The following COL22A1 variants were observed in gnomAD, a reference collection of about 807,000 sequenced individuals.
COL22A1 encodes collagen alpha-1(XXII) chain.
A neutral mutation model predicts 248.9 loss-of-function variants in COL22A1; 221 were observed. That is an observed-to-expected ratio of 0.89 (90% CI 0.80 to 0.99). The LOEUF is 0.99. Among genes scored for constraint, COL22A1 ranks in the 50% least tolerant of loss-of-function variants. The probability of loss-of-function intolerance (pLI) is 0.00; values close to 1 mark genes in which losing one functional copy is unlikely to be tolerated. For missense variants in COL22A1, 2,240 were observed against 2,179.0 expected, an observed-to-expected ratio of 1.03 and a Z score of -0.56; for synonymous variants, 891 against 793.4, an observed-to-expected ratio of 1.12 and a Z score of -2.07.
chr8:138,900,923 G>A (rs940580894), intron 1 of COL22A1, among the ~76,000 whole-genome samples: 1 of 152,208 alleles, frequency 6.6e-6, no homozygotes, highest in African/African-American at 2.4e-5. Flanking sequence ...GCAGGGTCAT[G>A]TGATAGAAGG....
In COL22A1 at chr8:138,802,874, C is replaced by T. The variant is rs151112277; in HGVS notation, c.1555G>A (p.Val519Met). The T allele has an allele frequency of 3.7e-4, 601 of 1,613,520 alleles. 2 individuals carry two copies. In the African/African-American group the frequency reaches 7.2e-3, roughly 19 times the overall value. Residue 519 changes from valine to methionine, a missense_variant and splice_region_variant, in exon 11 of 65, where the codon GTG becomes ATG. Transcript: ENST00000303045. ...TAGAGGAGCAGCCATCTACTCACCA[C>T]ATCACCTTTCTCTCCCTTAGGTCCA... ...APGPKGEKGD[V>M]GIGPFGQGEK... is the part of the protein sequence containing the mutation.
intron 23 of COL22A1, among the ~76,000 whole-genome samples, chr8:138,726,792 C>A (rs1413239543): frequency 1.3e-5 from 2 of 152,170 alleles, no homozygotes; most frequent in African/African-American, 4.8e-5. Flanking sequence ...CTGCACAGGG[C>A]AGATGGAGGC....
At chr8:138,637,163 A>G (rs1479130335) in intron 47 of COL22A1, among the ~76,000 whole-genome samples, 1 of 152,134 alleles carries the variant, frequency 6.6e-6, no homozygotes, top group Non-Finnish European at 1.5e-5. Flanking sequence ...AGCTGTGGGT[A>G]TAGTGTGGGA....
chr8:138,679,544 G>A, intron 40 of COL22A1, 73 bp downstream of exon 40: 3 of 1,267,506 alleles, frequency 2.4e-6, no homozygotes, highest in East Asian at 2.3e-5. Flanking sequence ...CCATTATTTT[G>A]TTGTTATAAA....
At chr8:138,826,859 G>C (rs1282462062) in intron 5 of COL22A1, 78 bp from the exon 6 acceptor site, 5 of 1,542,288 alleles carry the variant, frequency 3.2e-6, no homozygotes, top group Non-Finnish European at 4.4e-6. Context: ...ACACAACCCA[G>C]CAGTGATCAA....
At chr8:138,850,636 C>G (rs565745188) in intron 3 of COL22A1, among the ~76,000 whole-genome samples, 1 of 152,280 alleles carries the variant, frequency 6.6e-6, no homozygotes, top group Admixed American at 6.5e-5. Context: ...CCTCTCCCAG[C>G]CAAGTGTGAG....
At chr8:138,837,691 G>C (rs1361916567) in intron 4 of COL22A1, among the ~76,000 whole-genome samples, 1 of 152,222 alleles carries the variant, frequency 6.6e-6, no homozygotes, top group Non-Finnish European at 1.5e-5. Flanking sequence ...CCAGCAGTGG[G>C]AGGGGCTGGT....
At chr8:138,737,005 T>G (rs1831165912) in intron 23 of COL22A1, among the ~76,000 whole-genome samples, 3 of 152,264 alleles carry the variant, frequency 2.0e-5, no homozygotes, top group Non-Finnish European at 1.5e-5. Flanking sequence ...CAACTCTCAC[T>G]GGGTTCATCT....
intron 64 of COL22A1, 94 bp from the exon 65 acceptor site, chr8:138,589,534 A>C: frequency 1.9e-6 from 2 of 1,061,520 alleles, no homozygotes; most frequent in Non-Finnish European, 2.6e-6. Flanking sequence ...CTATGAACTC[A>C]GGACCTGAAA....
At chr8:138,817,460 T>G (rs1408348543) in intron 7 of COL22A1, among the ~76,000 whole-genome samples, 2 of 152,136 alleles carry the variant, frequency 1.3e-5, no homozygotes, top group African/African-American at 4.8e-5. Context: ...CGGAAAGCCC[T>G]CAGGCAAGAC....
intron 3 of COL22A1, among the ~76,000 whole-genome samples, chr8:138,858,168 C>G (rs1822182431): frequency 6.6e-6 from 1 of 152,150 alleles, no homozygotes; most frequent in Non-Finnish European, 1.5e-5. Context: ...TGTGGCACCT[C>G]CAGCCTTTTC....
chr8:138,614,113 G>A (rs779746690), intron 55 of COL22A1, among the ~76,000 whole-genome samples, 193 bp from the exon 56 acceptor site: 23 of 152,328 alleles, frequency 1.5e-4, no homozygotes, highest in African/African-American at 2.4e-4. Context: ...GTAAATGCAC[G>A]CAGGCCCGCA....
intron 23 of COL22A1, among the ~76,000 whole-genome samples, chr8:138,727,900 G>A (rs1440922060): frequency 6.6e-6 from 1 of 152,132 alleles, no homozygotes; most frequent in Non-Finnish European, 1.5e-5. Context: ...TTGCTGTATC[G>A]TGGGCTGAGC....
At chr8:138,893,954 A>G (rs763544025) in intron 1 of COL22A1, among the ~76,000 whole-genome samples, 4 of 152,176 alleles carry the variant, frequency 2.6e-5, no homozygotes, top group Non-Finnish European at 5.9e-5. Context: ...CTGAGTCTGG[A>G]AAGATGAGTG....
chr8:138,685,828 C>T (rs1587857916), intron 37 of COL22A1, among the ~76,000 whole-genome samples: 1 of 152,140 alleles, frequency 6.6e-6, no homozygotes, highest in East Asian at 1.9e-4. Flanking sequence ...GCTGTTTAGG[C>T]CACCCAGTTC....
chr8:138,729,044 A>T (rs1830525214), intron 23 of COL22A1, among the ~76,000 whole-genome samples: 2 of 152,072 alleles, frequency 1.3e-5, no homozygotes, highest in Admixed American at 1.3e-4. Flanking sequence ...GGGCTCGGCC[A>T]CCTCCATTCA....
At chr8:138,615,824 A>G (rs1283883549) in intron 55 of COL22A1, among the ~76,000 whole-genome samples, 177 bp downstream of exon 55, 1 of 152,122 alleles carries the variant, frequency 6.6e-6, no homozygotes, top group Non-Finnish European at 1.5e-5. Flanking sequence ...AAGCCCAGGG[A>G]CCCACCCACT....
intron 32 of COL22A1, 88 bp downstream of exon 32, chr8:138,700,024 C>G: frequency 7.8e-7 from 1 of 1,274,712 alleles, no homozygotes; most frequent in Non-Finnish European, 1.1e-6. Flanking sequence ...GAGTCCTCAC[C>G]CCACCCAGTC....
chr8:138,764,828 G>C (rs1282489381), intron 16 of COL22A1, among the ~76,000 whole-genome samples: 1 of 152,112 alleles, frequency 6.6e-6, no homozygotes, highest in Non-Finnish European at 1.5e-5. Flanking sequence ...CAGGCATGGT[G>C]GTGGGCACCT....
Sources: gnomAD v4.1 joint callset for allele counts (sites outside exome capture counted in the v4.1 genomes callset) on GRCh38, gnomAD v4.1.1 for gene constraint, MANE v1.5 for transcripts, NCBI Gene and HGNC (gene_info 2026-07-23, HGNC 2026-07-21) for gene names.